The following FRMD4A variants were observed in gnomAD, a reference collection of about 807,000 sequenced individuals.
FRMD4A encodes FERM domain-containing protein 4A.
FRMD4A carries 29 observed loss-of-function variants against 129.1 expected under a neutral mutation model. The ratio of observed to expected loss-of-function variants is 0.22; its 90% CI spans 0.17 to 0.31. The LOEUF (loss-of-function observed/expected upper bound fraction) is 0.31. Ranked by LOEUF, FRMD4A falls within the 10% of genes least tolerant of loss-of-function variation. The probability of loss-of-function intolerance (pLI) is 1.00; values close to 1 mark genes in which losing one functional copy is unlikely to be tolerated. For missense variants in FRMD4A, 1,272 were observed against 1,375.8 expected (o/e 0.92, Z 1.19); for synonymous variants, 634 against 571.6 (o/e 1.11, Z -1.56).
intron 2 of FRMD4A, among the ~76,000 whole-genome samples, chr10:13,915,667 C>T (rs2094993901): frequency 7.4e-6 from 1 of 134,246 alleles, no homozygotes; most frequent in Non-Finnish European, 1.6e-5. Flanking sequence ...GTGACTCTAT[C>T]TCAAAAAAAA....
At chr10:14,076,619 G>A (rs565888066) in intron 2 of FRMD4A, among the ~76,000 whole-genome samples, 40 of 151,554 alleles carry the variant, frequency 2.6e-4, no homozygotes, top group South Asian at 6.3e-4. Flanking sequence ...CAGCCTGGGC[G>A]ACAGAGCGAG....
intron 2 of FRMD4A, among the ~76,000 whole-genome samples, chr10:14,111,206 T>C (rs1168897010): frequency 6.6e-6 from 1 of 152,244 alleles, no homozygotes; most frequent in Non-Finnish European, 1.5e-5. Flanking sequence ...ATTTGACTCT[T>C]CTAGGAATTC....
chr10:13,983,506 T>C (rs926741264), intron 2 of FRMD4A, among the ~76,000 whole-genome samples: 4 of 152,118 alleles, frequency 2.6e-5, no homozygotes, highest in African/African-American at 9.7e-5. Context: ...TATATATATA[T>C]TTTTTTCCAG....
At chr10:13,704,074 C>G (rs2087148912) in intron 13 of FRMD4A, among the ~76,000 whole-genome samples, 1 of 152,174 alleles carries the variant, frequency 6.6e-6, no homozygotes, top group Admixed American at 6.5e-5. Context: ...CTGCCTTGAT[C>G]ATTCCATGTT....
intron 2 of FRMD4A, among the ~76,000 whole-genome samples, chr10:13,945,690 T>G (rs578193167): frequency 6.6e-6 from 1 of 152,270 alleles, no homozygotes; most frequent in East Asian, 1.9e-4. Flanking sequence ...CTGGGAGAAT[T>G]TACATGCTCC....
intron 2 of FRMD4A, among the ~76,000 whole-genome samples, chr10:14,128,900 A>T (rs559344849): frequency 2.6e-4 from 39 of 152,302 alleles, no homozygotes; most frequent in African/African-American, 8.2e-4. Flanking sequence ...AAGAACCTGA[A>T]AAAATGCTGG....
intron 2 of FRMD4A, among the ~76,000 whole-genome samples, chr10:14,071,849 AG>A (rs1474833517): frequency 1.3e-5 from 2 of 152,136 alleles, no homozygotes; most frequent in Non-Finnish European, 2.9e-5. Context: ...GTGGACTCTT[AG>A]GTGGATCCTT....
At chr10:13,755,508 G>A (rs2091823015) in intron 8 of FRMD4A, among the ~76,000 whole-genome samples, 1 of 152,146 alleles carries the variant, frequency 6.6e-6, no homozygotes, top group African/African-American at 2.4e-5. Flanking sequence ...GCTCCCCTGG[G>A]CACCTAATAA....
chr10:13,999,564 A>G (rs751663972), intron 2 of FRMD4A, among the ~76,000 whole-genome samples: 4 of 152,172 alleles, frequency 2.6e-5, no homozygotes, highest in Admixed American at 2.0e-4. Flanking sequence ...AATCCCTCCA[A>G]TCACTCTATG....
intron 2 of FRMD4A, among the ~76,000 whole-genome samples, chr10:14,021,712 G>A (rs1414318520): frequency 1.3e-5 from 2 of 152,184 alleles, no homozygotes; most frequent in East Asian, 1.9e-4. Flanking sequence ...TAATCTGGGT[G>A]GTGGTTACAC....
At chr10:14,014,717 G>A (rs1398360345) in intron 2 of FRMD4A, among the ~76,000 whole-genome samples, 1 of 152,188 alleles carries the variant, frequency 6.6e-6, no homozygotes, top group African/African-American at 2.4e-5. Flanking sequence ...ATGCCCAGGG[G>A]CTGCGAGATT....
In FRMD4A at chr10:13,653,811, G is replaced by A. The variant is rs536278180; in HGVS notation, c.3050+605C>T. On this transcript the variant is annotated intron_variant, in intron 23 of 24. Coordinates refer to ENST00000357447, the MANE Select transcript of FRMD4A (RefSeq NM_018027.5). ...AGTAGTTCAGAATAGCCTCACTGGCGCCGAGATGATAATGCTGTATGCAAA... is the reference window on the plus strand; with the variant it reads ...AGTAGTTCAGAATAGCCTCACTGGCACCGAGATGATAATGCTGTATGCAAA... 2.9e-4 allele frequency: 42 copies of A among 146,266 alleles called. No individual in the cohort carries two copies. The South Asian group carries it at 6.5e-3, about 23-fold the overall frequency. The allele number at this position is 146,266 out of a possible 1,614,324, so 9.1% of individuals were successfully genotyped here.
chr10:13,764,447 A>C (rs532211207), intron 6 of FRMD4A, among the ~76,000 whole-genome samples: 3 of 152,210 alleles, frequency 2.0e-5, no homozygotes, highest in South Asian at 2.1e-4. Context: ...TTGAGGCTAC[A>C]GTGAGCTGTA....
intron 2 of FRMD4A, among the ~76,000 whole-genome samples, chr10:14,065,716 C>T (rs915484893): frequency 3.3e-5 from 5 of 152,196 alleles, no homozygotes; most frequent in East Asian, 1.9e-4. Context: ...TTAAATAAAC[C>T]GTGGCCCAAT....
intron 3 of FRMD4A, among the ~76,000 whole-genome samples, chr10:13,831,997 C>T (rs865988561): frequency 2.0e-5 from 3 of 152,178 alleles, no homozygotes; most frequent in Admixed American, 6.5e-5. Flanking sequence ...TTCACTTCCT[C>T]TGTCAGAGTG....
intron 2 of FRMD4A, among the ~76,000 whole-genome samples, chr10:13,956,852 T>C (rs11258750): frequency 0.19 from 29,620 of 152,146 alleles, 3,611 homozygotes; most frequent in Non-Finnish European, 0.29. Context: ...TACTCCCTGG[T>C]GTTGGCCCTT....
chr10:13,774,281 G>A (rs2092541599), intron 6 of FRMD4A, among the ~76,000 whole-genome samples: 1 of 152,184 alleles, frequency 6.6e-6, no homozygotes, highest in Non-Finnish European at 1.5e-5. Context: ...AAAGTGAGAG[G>A]GGCGTCTGCT....
intron 2 of FRMD4A, among the ~76,000 whole-genome samples, chr10:14,128,100 CTTTCT>C (rs1554766375): frequency 2.6e-4 from 9 of 34,176 alleles, no homozygotes; most frequent in Admixed American, 6.1e-4. Context: ...TTCTTTCTTT[CTTTCT>C]TTTCTTTTCT....
chr10:13,704,592 C>A (rs1194099237), intron 13 of FRMD4A, among the ~76,000 whole-genome samples: 1 of 152,210 alleles, frequency 6.6e-6, no homozygotes, highest in Non-Finnish European at 1.5e-5. Context: ...ACCAGCCAGG[C>A]CTCTGGTGAC....
Sources: allele counts gnomAD v4.1 joint callset (sites outside exome capture counted in the v4.1 genomes callset), GRCh38; gene constraint gnomAD v4.1.1; transcripts MANE v1.5; gene names NCBI Gene and HGNC (gene_info 2026-07-23, HGNC 2026-07-21).